The following SGCZ variants were observed in gnomAD, a reference collection of about 807,000 sequenced individuals.
SGCZ encodes the protein zeta-sarcoglycan.
SGCZ carries 40 observed loss-of-function variants against 41.3 expected under a neutral mutation model. That is an observed-to-expected ratio of 0.97 (90% CI 0.75 to 1.26). The LOEUF is 1.26. Ranked by LOEUF, SGCZ falls within the 50% of genes most tolerant of loss-of-function variation. The pLI is 0.00. For synonymous variants in SGCZ, 206 were observed against 137.5 expected (o/e 1.50, Z -3.49); for missense variants, 552 against 369.8 (o/e 1.49, Z -4.04).
In SGCZ at chr8:15,237,765, C is replaced by A; in HGVS notation, c.-142G>T. On this transcript the variant is annotated 5_prime_UTR_variant, in exon 1 of 8. Transcript: ENST00000382080. ...CTCAGTCTCATTCTCCGTGGTCACGCCGCCTCCACCGGGTTAAAAATAAGG... is the reference window on the plus strand; with the variant it reads ...CTCAGTCTCATTCTCCGTGGTCACGACGCCTCCACCGGGTTAAAAATAAGG... 1.5e-6 allele frequency: 1 copy of A among 689,030 alleles called. No individual in the cohort carries two copies. Among genetic ancestry groups the A allele is most frequent in the Non-Finnish European group, 2.5e-6 (1 of 397,062 alleles). The allele number at this position is 689,030 out of a possible 1,614,324, so 42.7% of individuals were successfully genotyped here.
chr8:14,735,128 A>G (rs1563234269), intron 1 of SGCZ, among the ~76,000 whole-genome samples: 1 of 152,180 alleles, frequency 6.6e-6, no homozygotes, highest in Non-Finnish European at 1.5e-5. Context: ...TTTGATTTTG[A>G]TGCTTTCTCA....
At chr8:14,901,787 T>C (rs184826018) in intron 1 of SGCZ, among the ~76,000 whole-genome samples, 1 of 152,198 alleles carries the variant, frequency 6.6e-6, no homozygotes, top group Non-Finnish European at 1.5e-5. Context: ...ACCAAGAAAA[T>C]ATCTATTTTT....
intron 2 of SGCZ, among the ~76,000 whole-genome samples, chr8:14,425,326 A>G (rs1799748387): frequency 1.3e-5 from 2 of 152,166 alleles, no homozygotes; most frequent in Admixed American, 1.3e-4. Flanking sequence ...AAAAATTTCA[A>G]AAAGTACATC....
chr8:14,260,232 A>T (rs1799607456), intron 3 of SGCZ, among the ~76,000 whole-genome samples: 1 of 152,018 alleles, frequency 6.6e-6, no homozygotes. Flanking sequence ...TCTACAATGA[A>T]CTCAAACAAA....
At chr8:15,109,067 G>A (rs972861767) in intron 1 of SGCZ, among the ~76,000 whole-genome samples, 3 of 151,944 alleles carry the variant, frequency 2.0e-5, no homozygotes, top group Admixed American at 6.6e-5. Context: ...TTCATAATTG[G>A]AAAGGATTCG....
chr8:14,505,025 T>C (rs1457851044), intron 2 of SGCZ, among the ~76,000 whole-genome samples: 1 of 152,044 alleles, frequency 6.6e-6, no homozygotes, highest in Non-Finnish European at 1.5e-5. Flanking sequence ...ATATAAAATT[T>C]ATTAAATTAT....
chr8:14,983,022 G>T (rs1297794410), intron 1 of SGCZ, among the ~76,000 whole-genome samples: 1 of 152,118 alleles, frequency 6.6e-6, no homozygotes, highest in Non-Finnish European at 1.5e-5. Flanking sequence ...ATTTGGGTTT[G>T]GTTTCCTCAT....
intron 1 of SGCZ, among the ~76,000 whole-genome samples, chr8:14,729,643 A>AAAAT (rs879739410): frequency 1.9e-5 from 2 of 106,652 alleles, no homozygotes; most frequent in Admixed American, 1.0e-4. Context: ...CAGAGCGTTA[A>AAAAT]AAATCAATCA....
At chr8:14,608,545 G>A (rs1240300105) in intron 1 of SGCZ, among the ~76,000 whole-genome samples, 1 of 152,044 alleles carries the variant, frequency 6.6e-6, no homozygotes, top group Admixed American at 6.6e-5. Context: ...TGTCAACTGA[G>A]GGAGTAAGAA....
At chr8:14,221,588 C>T (rs1477177717) in intron 4 of SGCZ, among the ~76,000 whole-genome samples, 1 of 152,152 alleles carries the variant, frequency 6.6e-6, no homozygotes, top group East Asian at 1.9e-4. Flanking sequence ...TTTGAATTAC[C>T]ATTACAATTG....
chr8:15,203,203 T>A (rs562446155), intron 1 of SGCZ, among the ~76,000 whole-genome samples: 7 of 152,212 alleles, frequency 4.6e-5, no homozygotes, highest in Non-Finnish European at 7.3e-5. Flanking sequence ...TTCTGGAAGT[T>A]TGTATTCTTT....
At chr8:14,678,774 G>A (rs1344478161) in intron 1 of SGCZ, among the ~76,000 whole-genome samples, 1 of 152,152 alleles carries the variant, frequency 6.6e-6, no homozygotes, top group African/African-American at 2.4e-5. Flanking sequence ...AAACTTGGAA[G>A]CAACCAAGAT....
chr8:14,990,330 C>T (rs1801965359), intron 1 of SGCZ, among the ~76,000 whole-genome samples: 1 of 152,136 alleles, frequency 6.6e-6, no homozygotes, highest in Non-Finnish European at 1.5e-5. Flanking sequence ...GTCCCTAATC[C>T]CCAGGTACCA....
intron 1 of SGCZ, among the ~76,000 whole-genome samples, chr8:14,586,939 G>T (rs551865567): frequency 2.6e-5 from 4 of 151,578 alleles, no homozygotes; most frequent in Admixed American, 2.6e-4. Context: ...ATTATACAAG[G>T]TCATGTCATC....
chr8:14,916,323 C>G (rs1320509944), intron 1 of SGCZ, among the ~76,000 whole-genome samples: 1 of 152,154 alleles, frequency 6.6e-6, no homozygotes, highest in African/African-American at 2.4e-5. Context: ...AAACCCAAAT[C>G]ACATTTCTTA....
At chr8:14,876,769 T>G (rs148695496) in intron 1 of SGCZ, among the ~76,000 whole-genome samples, 1 of 152,144 alleles carries the variant, frequency 6.6e-6, no homozygotes, top group Non-Finnish European at 1.5e-5. Context: ...TATCAAGAAT[T>G]AGGAAGGAGA....
At chr8:14,171,588 C>A (rs1804384989) in intron 4 of SGCZ, among the ~76,000 whole-genome samples, 1 of 151,858 alleles carries the variant, frequency 6.6e-6, no homozygotes, top group Admixed American at 6.6e-5. Flanking sequence ...TACTGAAAGG[C>A]ATTTTAAAAG....
chr8:14,743,920 TG>T (rs1331385747), intron 1 of SGCZ, among the ~76,000 whole-genome samples: 41 of 152,252 alleles, frequency 2.7e-4, no homozygotes, highest in African/African-American at 7.2e-4. Context: ...TATTTTATTC[TG>T]GGGATCCGAA....
At chr8:15,080,776 T>C (rs906171552) in intron 1 of SGCZ, among the ~76,000 whole-genome samples, 2 of 151,990 alleles carry the variant, frequency 1.3e-5, no homozygotes, top group Non-Finnish European at 2.9e-5. Context: ...GTATTTTTAG[T>C]AGAATCGGGG....
Sources: gnomAD v4.1 joint callset for allele counts (sites outside exome capture counted in the v4.1 genomes callset) on GRCh38, gnomAD v4.1.1 for gene constraint, MANE v1.5 for transcripts, NCBI Gene and HGNC (gene_info 2026-07-23, HGNC 2026-07-21) for gene names.